Variants in TRHDE observed in about 807,000 individuals in gnomAD.
TRHDE encodes the protein thyrotropin-releasing hormone-degrading ectoenzyme.
TRHDE carries 72 observed loss-of-function variants against 125.7 expected under a neutral mutation model. That is an observed-to-expected ratio of 0.57 (90% CI 0.47 to 0.70). TRHDE has a LOEUF of 0.70. Ranked by LOEUF, TRHDE falls within the 30% of genes least tolerant of loss-of-function variation. The pLI is 0.00. For missense variants in TRHDE, 1,110 were observed against 1,327.1 expected (o/e 0.84, Z 2.54); for synonymous variants, 509 against 509.1 (o/e 1.00, Z 0.00).
chr12:72,107,151 A>T (rs1875207254), intron 2 of TRHDE, among the ~76,000 whole-genome samples: 1 of 152,138 alleles, frequency 6.6e-6, no homozygotes, highest in Admixed American at 6.6e-5. Flanking sequence ...GTATCCATAC[A>T]CTTTGTTGCT....
intron 9 of TRHDE, among the ~76,000 whole-genome samples, chr12:72,564,647 G>A (rs1034506505): frequency 8.8e-6 from 1 of 113,248 alleles, no homozygotes; most frequent in Non-Finnish European, 1.9e-5. Context: ...AAAATCATGC[G>A]TATGAATTTT....
At chr12:72,280,817 T>C (rs1430297423) in intron 1 of TRHDE, among the ~76,000 whole-genome samples, 10 of 152,190 alleles carry the variant, frequency 6.6e-5, no homozygotes, top group Non-Finnish European at 1.5e-4. Flanking sequence ...GAAAGGCGTC[T>C]CAATCATTAG....
rs1222324127 is a variant in TRHDE at position 72,582,747 on chromosome 12, CCTCA to C, written c.2321+7209_2321+7212del. 2.4e-5 allele frequency: 11 copies of C among 461,838 alleles called. No individual in the cohort carries two copies. In the East Asian group the frequency reaches 1.7e-3, roughly 72 times the overall value. 28.6% of individuals were successfully genotyped at this position (461,838 alleles called of 1,614,324 possible). On this transcript the variant is annotated intron_variant, in intron 12 of 18. Coordinates refer to ENST00000261180, the MANE Select transcript of TRHDE (RefSeq NM_013381.3). Reference sequence around the variant, plus strand: ...CAGACTGGACTTTTTGTTTTGATTTCCTCACTCTATAATGGAGATAACAGGACTA... The same window carrying C: ...CAGACTGGACTTTTTGTTTTGATTTCCTCTATAATGGAGATAACAGGACTA...
Position 72,621,627 on chromosome 12 carries a change from CT to C in TRHDE, c.2568-13del. 2 of 1,562,374 alleles carry C rather than the reference CT, an allele frequency of 1.3e-6. No homozygotes were observed. Among genetic ancestry groups the C allele is most frequent in the Non-Finnish European group, 1.7e-6 (2 of 1,146,282 alleles). On this transcript the variant is annotated splice_polypyrimidine_tract_variant and intron_variant, in intron 14 of 18. Coordinates refer to ENST00000261180, the MANE Select transcript of TRHDE (RefSeq NM_013381.3). ...CTAACTTTCTTTTTAATTTGTTTCC[CT>C]TTTGATGATATCTAGAGAACTACGT...
At chr12:72,489,749 TTG>T (rs1201515473) in intron 5 of TRHDE, among the ~76,000 whole-genome samples, 1 of 151,612 alleles carries the variant, frequency 6.6e-6, no homozygotes, top group Non-Finnish European at 1.5e-5. Context: ...GAGAAAAAGA[TTG>T]TGTCTTTAAT....
intron 2 of TRHDE, among the ~76,000 whole-genome samples, chr12:72,362,507 G>T (rs1592389402): frequency 6.6e-6 from 1 of 152,030 alleles, no homozygotes; most frequent in East Asian, 1.9e-4. Flanking sequence ...CTCCCATTTT[G>T]TAGGTTGCCT....
chr12:72,617,640 CTGTT>C (rs1280839495), intron 12 of TRHDE, among the ~76,000 whole-genome samples: 12 of 152,022 alleles, frequency 7.9e-5, no homozygotes, highest in African/African-American at 2.9e-4. Context: ...TTGTCGTAGT[CTGTT>C]TGGGCTGTTA....
intron 2 of TRHDE, among the ~76,000 whole-genome samples, chr12:72,240,464 G>A (rs980576151): frequency 6.6e-6 from 1 of 151,742 alleles, no homozygotes; most frequent in African/African-American, 2.4e-5. Flanking sequence ...ATAACATGGA[G>A]GCATAATAAC....
chr12:72,522,444 T>G (rs139144200), intron 6 of TRHDE, among the ~76,000 whole-genome samples: 95 of 152,296 alleles, frequency 6.2e-4, no homozygotes, highest in African/African-American at 2.2e-3. Context: ...TACAATGAAT[T>G]TAACAGTCAT....
chr12:72,142,751 A>C (rs945820899), intron 2 of TRHDE, among the ~76,000 whole-genome samples: 1 of 152,114 alleles, frequency 6.6e-6, no homozygotes, highest in East Asian at 1.9e-4. Flanking sequence ...ATGACATGGC[A>C]GAGACAAAGA....
chr12:72,462,535 GA>G (rs1166199080), intron 3 of TRHDE, among the ~76,000 whole-genome samples: 2 of 152,118 alleles, frequency 1.3e-5, no homozygotes, highest in Non-Finnish European at 2.9e-5. Context: ...TATTTAGCAT[GA>G]CTTGCCATCA....
intron 9 of TRHDE, among the ~76,000 whole-genome samples, chr12:72,566,544 C>A (rs1459442729): frequency 6.6e-6 from 1 of 151,650 alleles, no homozygotes; most frequent in Admixed American, 6.6e-5. Flanking sequence ...TTTTCTAAAA[C>A]CCAAATATAG....
intron 2 of TRHDE, among the ~76,000 whole-genome samples, chr12:72,172,243 G>A (rs149265485): frequency 7.7e-4 from 117 of 152,264 alleles, no homozygotes; most frequent in Non-Finnish European, 1.3e-3. Context: ...GTTGGTTAAT[G>A]TATGACCTAT....
chr12:72,121,473 T>G (rs1313043083), intron 2 of TRHDE, among the ~76,000 whole-genome samples: 1 of 152,172 alleles, frequency 6.6e-6, no homozygotes, highest in Non-Finnish European at 1.5e-5. Context: ...TTTTGCCCTG[T>G]GTTGCTTTCC....
At chr12:72,505,317 G>C (rs1222137920) in intron 6 of TRHDE, among the ~76,000 whole-genome samples, 2 of 152,156 alleles carry the variant, frequency 1.3e-5, no homozygotes, top group African/African-American at 4.8e-5. Flanking sequence ...GATTGAAAAT[G>C]CTTGTATTCT....
At chr12:72,395,662 T>A (rs1203879480) in intron 3 of TRHDE, among the ~76,000 whole-genome samples, 1 of 152,166 alleles carries the variant, frequency 6.6e-6, no homozygotes, top group African/African-American at 2.4e-5. Flanking sequence ...TGCCTATCAC[T>A]CTCACCTGAA....
rs548072113 is a variant in TRHDE, at chr12:72,637,376, T to C, written c.2676-14946T>C. On this transcript the variant is annotated intron_variant, in intron 15 of 18. Coordinates refer to ENST00000261180, the MANE Select transcript of TRHDE (RefSeq NM_013381.3). ...CCCCTTTATCATCTTTTATTGCATCTATTTGATTCTTTTCTCTTTTTTTCT... is the reference window on the plus strand; with the variant it reads ...CCCCTTTATCATCTTTTATTGCATCCATTTGATTCTTTTCTCTTTTTTTCT... 2.6e-5 allele frequency among the ~76,000 whole-genome samples: 4 copies of C among 152,368 alleles called. No homozygotes were observed. The South Asian group carries it at 8.3e-4, about 32-fold the overall frequency.
chr12:72,405,579 G>T (rs1873232074), intron 3 of TRHDE, among the ~76,000 whole-genome samples: 2 of 152,130 alleles, frequency 1.3e-5, no homozygotes, highest in Non-Finnish European at 2.9e-5. Flanking sequence ...TCTATCCAAA[G>T]TCTTCTCTCA....
At chr12:72,374,513 G>T (rs557468775) in intron 2 of TRHDE, among the ~76,000 whole-genome samples, 2 of 152,058 alleles carry the variant, frequency 1.3e-5, no homozygotes, top group African/African-American at 2.4e-5. Flanking sequence ...GGCACTGAGC[G>T]TAGCAGAAAA....
Sources: gnomAD v4.1 joint callset for allele counts (sites outside exome capture counted in the v4.1 genomes callset) on GRCh38, gnomAD v4.1.1 for gene constraint, MANE v1.5 for transcripts, NCBI Gene and HGNC (gene_info 2026-07-23, HGNC 2026-07-21) for gene names.